The following VAV1 variants were observed in gnomAD, a reference collection of about 807,000 sequenced individuals.
VAV1 encodes vav guanine nucleotide exchange factor 1.
Under a neutral mutation model 128.1 loss-of-function variants are expected in VAV1, and 33 were observed. That is an observed-to-expected ratio of 0.26 (90% CI 0.20 to 0.34). The LOEUF (loss-of-function observed/expected upper bound fraction) is 0.34. Among genes scored for constraint, VAV1 ranks in the 10% least tolerant of loss-of-function variants. The pLI, the probability that VAV1 is intolerant of heterozygous loss-of-function variation, is 1.00. For synonymous variants in VAV1, 394 were observed against 409.8 expected, an observed-to-expected ratio of 0.96 and a Z score of 0.47; for missense variants, 715 against 1,093.7, an observed-to-expected ratio of 0.65 and a Z score of 4.88.
rs1971914409 is a variant in VAV1 at position 6,826,206 on chromosome 19, CAG to C, written c.828-405_828-404del. Among the ~76,000 whole-genome samples, 3 of 152,060 alleles carry C rather than the reference CAG, an allele frequency of 2.0e-5. No homozygotes were observed. The South Asian group carries it at 6.2e-4, about 32-fold the overall frequency. On this transcript the variant is annotated intron_variant, in intron 8 of 26. Coordinates refer to ENST00000602142, the MANE Select transcript of VAV1 (RefSeq NM_005428.4). This position sits in a 1 kb window ranked among gnomAD's most constrained non-coding sequence, Gnocchi z 4.1. ...TACAAAAATTAGCCAGGCATGGTGG[CAG>C]GTGTCTGTAATCCCAGCTACTCGGG...
chr19:6,822,200 C>A lies in VAV1; in HGVS notation c.450-21C>A. On this transcript the variant is annotated intron_variant, in intron 4 of 26. Transcript: ENST00000602142. This position sits in a 1 kb window ranked among gnomAD's most constrained non-coding sequence, Gnocchi z 5.9. ...GTGATCTGGGAGAGGTCCAAGGGAT[C>A]CCTGACCTCACAACCCACAGCGACA... 1.9e-6 allele frequency: 3 copies of A among 1,560,886 alleles called. No individual in the cohort carries two copies. Among genetic ancestry groups the A allele is most frequent in the Non-Finnish European group, 2.6e-6 (3 of 1,151,988 alleles).
chr19:6,847,156 C>T (rs151082686), intron 22 of VAV1, among the ~76,000 whole-genome samples: 2,822 of 152,262 alleles, frequency 0.019, 39 homozygotes, highest in Non-Finnish European at 0.027. Context: ...TTGTGATTCG[C>T]CCACCTCGGC....
intron 1 of VAV1, among the ~76,000 whole-genome samples, chr19:6,793,773 G>A (rs554463963): frequency 6.6e-6 from 1 of 152,120 alleles, no homozygotes; most frequent in African/African-American, 2.4e-5. Flanking sequence ...TCCAAGATGG[G>A]GCCACTTTGT....
Position 6,801,177 on chromosome 19 carries a change from A to C in VAV1, c.205-19525A>C, listed in dbSNP as rs190876328. 7.3e-4 allele frequency among the ~76,000 whole-genome samples: 111 copies of C among 152,310 alleles called. 1 individual carries two copies. The highest frequency in any genetic ancestry group is 2.5e-3 in the African/African-American group (103 of 41,560). On this transcript the variant is annotated intron_variant, in intron 1 of 26. Transcript: ENST00000602142. ...ACCATTAGGTTCTGGTGCTTGGCAT[A>C]CAGTAGGCATTCCACACATGCTTGC...
At position 6,853,098 on chromosome 19, in the gene VAV1, G is replaced by C; in HGVS notation, c.2332+19G>C. 1 of 1,607,136 alleles carries C rather than the reference G, an allele frequency of 6.2e-7. No homozygotes were observed. The highest frequency in any genetic ancestry group is 8.5e-7 in the Non-Finnish European group (1 of 1,175,142). ...CCAGCAGGTAGGAGGTCTCAGACTG[G>C]GGGCTTACAGCCTCAGCCCCTTCCC... On this transcript the variant is annotated intron_variant, in intron 25 of 26. Transcript: ENST00000602142.
At chr19:6,810,698 G>A (rs1971495058) in intron 1 of VAV1, among the ~76,000 whole-genome samples, 5 of 150,144 alleles carry the variant, frequency 3.3e-5, no homozygotes, top group Admixed American at 3.3e-4. Context: ...AGAGTGAAAC[G>A]TTATCTCAAA....
At chr19:6,830,573 G>A (rs1431734162) in intron 14 of VAV1, among the ~76,000 whole-genome samples, 1 of 151,840 alleles carries the variant, frequency 6.6e-6, no homozygotes, top group Non-Finnish European at 1.5e-5. Flanking sequence ...CCGAGTAGCT[G>A]GGATTACGGG....
intron 15 of VAV1, 76 bp from the exon 16 acceptor site, chr19:6,833,106 CAT>C: frequency 7.7e-7 from 1 of 1,304,406 alleles, no homozygotes; most frequent in Non-Finnish European, 1.1e-6. Context: ...CTGTTCATAC[CAT>C]GGAATAGTAT....
At chr19:6,783,470 CTTTTT>C (rs61101390) in intron 1 of VAV1, among the ~76,000 whole-genome samples, 6 of 113,830 alleles carry the variant, frequency 5.3e-5, no homozygotes, top group Admixed American at 1.8e-4. Flanking sequence ...CACCTCCATC[CTTTTT>C]TTTTTTTTTT....
At chr19:6,845,903 T>G (rs986560527) in intron 22 of VAV1, among the ~76,000 whole-genome samples, 1 of 148,342 alleles carries the variant, frequency 6.7e-6, no homozygotes, top group East Asian at 2.0e-4. Context: ...GCATTTATAT[T>G]ATGCTACATA....
intron 21 of VAV1, among the ~76,000 whole-genome samples, chr19:6,842,705 C>T (rs571577807): frequency 3.9e-5 from 6 of 152,076 alleles, no homozygotes; most frequent in South Asian, 2.1e-4. Flanking sequence ...TGTGGTGGTG[C>T]GTACCTGTAG....
intron 1 of VAV1, among the ~76,000 whole-genome samples, chr19:6,804,412 ATATTTATT>A (rs57358249): frequency 6.6e-6 from 1 of 151,000 alleles, no homozygotes; most frequent in Non-Finnish European, 1.5e-5. Flanking sequence ...GGTCCTATTT[ATATTTATT>A]TATTTATTTA....
Position 6,822,979 on chromosome 19 carries a change from T to A in VAV1, c.654+465T>A, listed in dbSNP as rs1301161213. Among the ~76,000 whole-genome samples the A allele has an allele frequency of 1.4e-5, 2 of 147,626 alleles. No individual in the cohort carries two copies. The highest frequency in any genetic ancestry group is 3.0e-5 in the Non-Finnish European group (2 of 67,102). On this transcript the variant is annotated intron_variant, in intron 6 of 26. Coordinates refer to ENST00000602142, the MANE Select transcript of VAV1 (RefSeq NM_005428.4). This position sits in a 1 kb window ranked among gnomAD's most constrained non-coding sequence, Gnocchi z 5.9. ...AAATAATATATACAATATATAAATA[T>A]ATAAAATATAAAATGTAGATATATT...
chr19:6,825,014 A>G, intron 6 of VAV1, 39 bp from the exon 7 acceptor site: 1 of 1,607,624 alleles, frequency 6.2e-7, no homozygotes, highest in Non-Finnish European at 8.5e-7. Flanking sequence ...TGGAGGAGGG[A>G]ATCTTATCTT....
At position 6,826,822 on chromosome 19, in the gene VAV1, G is replaced by C; in HGVS notation, c.927+111G>C. Reference sequence around the variant, plus strand: ...TCCACTTTCTGCTGCAGCCCAGCCAGAGATCCACCAAAGGACTAGGGAGGG... The same window carrying C: ...TCCACTTTCTGCTGCAGCCCAGCCACAGATCCACCAAAGGACTAGGGAGGG... On this transcript the variant is annotated intron_variant, in intron 9 of 26. Coordinates refer to ENST00000602142, the MANE Select transcript of VAV1 (RefSeq NM_005428.4). This position sits in a 1 kb window ranked among gnomAD's most constrained non-coding sequence, Gnocchi z 4.1. 1 of 853,746 alleles carries C rather than the reference G, an allele frequency of 1.2e-6. No homozygotes were observed. Among genetic ancestry groups the C allele is most frequent in the Non-Finnish European group, 1.9e-6 (1 of 532,566 alleles). 52.9% of individuals were successfully genotyped at this position (853,746 alleles called of 1,614,324 possible).
intron 21 of VAV1, among the ~76,000 whole-genome samples, chr19:6,840,275 T>C (rs1972337885): frequency 6.6e-6 from 1 of 151,648 alleles, no homozygotes; most frequent in Non-Finnish European, 1.5e-5. Context: ...GGCTCATCCA[T>C]GTTGTGGAAT....
At chr19:6,802,352 TA>T (rs1029177912) in intron 1 of VAV1, among the ~76,000 whole-genome samples, 1 of 151,614 alleles carries the variant, frequency 6.6e-6, no homozygotes. Flanking sequence ...ATAATAAAAT[TA>T]AAAAAAATAA....
chr19:6,825,342 A>G lies in VAV1; in HGVS notation c.763A>G (p.Lys255Glu). Reference sequence around the variant, plus strand: ...TCATACTCACTTCCTAAAGGAGATGAAGGAAGCCCTGGGCACCCCTGGCGC... The same window carrying G: ...TCATACTCACTTCCTAAAGGAGATGGAGGAAGCCCTGGGCACCCCTGGCGC... ...RVHTHFLKEM[K>E]EALGTPGAAN... is the part of the protein sequence containing the mutation. The change falls in exon 8 of 27, where the codon AAG (lysine) becomes GAG (glutamate). Residue 255 changes from lysine (K) to glutamate (E), a missense_variant. Physicochemically the swap from Lys to Glu is moderately conservative, Grantham distance 56 (BLOSUM62 1). This residue lies in a region of VAV1 where 302 missense variants were observed against 477.8 expected (regional missense o/e 0.63). Transcript: ENST00000602142. 1 of 1,613,606 alleles carries G rather than the reference A, an allele frequency of 6.2e-7. No homozygotes were observed.
chr19:6,817,861 TG>T (rs1345916059), intron 1 of VAV1, among the ~76,000 whole-genome samples: 1 of 152,068 alleles, frequency 6.6e-6, no homozygotes, highest in Admixed American at 6.6e-5. Context: ...TAATTTTTTG[TG>T]TTTTTAGTAG....
Sources: allele counts gnomAD v4.1 joint callset (sites outside exome capture counted in the v4.1 genomes callset), GRCh38; gene constraint gnomAD v4.1.1; regional missense constraint gnomAD v4.1.1; non-coding constraint Gnocchi (gnomAD v3.1); transcripts MANE v1.5; gene names NCBI Gene and HGNC (gene_info 2026-07-23, HGNC 2026-07-21).